The following HAAO variants were observed in gnomAD, a reference collection of about 807,000 sequenced individuals.
The protein encoded by HAAO is 3-hydroxyanthranilate 3,4-dioxygenase, also known as 3-hydroxyanthranilate oxygenase.
In HAAO, 49 loss-of-function variants were observed where a neutral mutation model predicts 46.2. That is an observed-to-expected ratio of 1.06 (90% CI 0.84 to 1.34). HAAO has a LOEUF of 1.34. Ranked by LOEUF, HAAO falls within the 40% of genes most tolerant of loss-of-function variation. The pLI is 0.00. For synonymous variants in HAAO, 157 were observed against 145.2 expected, an observed-to-expected ratio of 1.08 and a Z score of -0.58; for missense variants, 408 against 364.5, an observed-to-expected ratio of 1.12 and a Z score of -0.97.
At chr2:42,775,613 GT>G (rs935965396) in intron 4 of HAAO, among the ~76,000 whole-genome samples, 3 of 151,326 alleles carry the variant, frequency 2.0e-5, no homozygotes, top group African/African-American at 7.3e-5. Flanking sequence ...TTGAGCAAAA[GT>G]TTTTTTCTTC....
intron 1 of HAAO, among the ~76,000 whole-genome samples, chr2:42,791,865 C>T (rs1672823451): frequency 6.6e-6 from 1 of 151,744 alleles, no homozygotes; most frequent in South Asian, 2.1e-4. Flanking sequence ...ATGGCCAACC[C>T]TGTTGGGTGC....
At chr2:42,776,231 C>CTT (rs57398023) in intron 4 of HAAO, among the ~76,000 whole-genome samples, 2,754 of 71,030 alleles carry the variant, frequency 0.039, 169 homozygotes, top group African/African-American at 0.09. Flanking sequence ...TGGCATCCAT[C>CTT]TTTTTTTTTT....
At chr2:42,780,084 G>T (rs1268368998) in intron 4 of HAAO, among the ~76,000 whole-genome samples, 2 of 152,054 alleles carry the variant, frequency 1.3e-5, no homozygotes, top group Non-Finnish European at 2.9e-5. Context: ...AAATTTCCTT[G>T]CCAACTGCGT....
At position 42,767,376 on chromosome 2, in the gene HAAO, C is replaced by T; in HGVS notation, c.*61G>A. The T allele has an allele frequency of 8.5e-7, 1 of 1,169,640 alleles. No individual in the cohort carries two copies. Among genetic ancestry groups the T allele is most frequent in the Non-Finnish European group, 1.3e-6 (1 of 785,846 alleles). 72.5% of individuals were successfully genotyped at this position (1,169,640 alleles called of 1,614,324 possible). A position where few individuals can be genotyped will look rare whatever the true frequency, so the allele number is the denominator to read the frequency against. ...AGTGGGGGCTGGGAGAGTTGTTTGG[C>T]AGGGATGGCACTCGAGGGTGCTTGG... On this transcript the variant is annotated 3_prime_UTR_variant, in exon 10 of 10. Transcript: ENST00000294973.
Position 42,783,409 on chromosome 2 carries a change from C to T in HAAO, c.255G>A (p.Leu85=), listed in dbSNP as rs1283331789. The change falls in exon 4 of 10, where the codon CTG becomes CTA. Residue 85 remains leucine (L), a synonymous_variant. Transcript: ENST00000294973. ...GTGGTGAGTGGGGCACCCTGGCAGG[C>T]AGGAGGAATATCTGCAGTGGTAGAG... ...VVIRQGEIFL[L]PARVPHSPQR... is the part of the protein sequence containing the mutation. 2 of 1,607,022 alleles carry T rather than the reference C, an allele frequency of 1.2e-6. No homozygotes were observed. The highest frequency in any genetic ancestry group is 1.7e-6 in the Non-Finnish European group (2 of 1,174,234).
At position 42,792,542 on chromosome 2, in the gene HAAO, TC is replaced by T. The variant is rs570894993; in HGVS notation, c.-7del. ...ACTCCCAGGCGGCGCTCCATGACTG[TC>T]CCGGGCGCCTCCTCGCAGCGCTGTC... On this transcript the variant is annotated 5_prime_UTR_variant, in exon 1 of 10. Transcript: ENST00000294973. The T allele has an allele frequency of 1.9e-4, 295 of 1,554,724 alleles. 1 individual carries two copies. The African/African-American group carries it at 3.6e-3, about 19-fold the overall frequency.
chr2:42,790,688 C>A (rs985524616), intron 1 of HAAO, among the ~76,000 whole-genome samples: 9 of 152,148 alleles, frequency 5.9e-5, no homozygotes, highest in Middle Eastern at 6.8e-3. Context: ...CGTGCCACCA[C>A]GCCCAGGTAA....
At position 42,769,788 on chromosome 2, in the gene HAAO, G is replaced by C. The variant is rs577932993; in HGVS notation, c.555C>G (p.Ala185=). 13 of 1,614,002 alleles carry C rather than the reference G, an allele frequency of 8.1e-6. No homozygotes were observed. In the South Asian group the frequency reaches 1.3e-4, roughly 16 times the overall value. ...GCTCCCTGTGGTGGCTGTCCAGCCA[G>C]GCATCCAGGGACATGGGCTCCATGA... is the stretch of plus-strand genomic sequence containing the variant. ...RSIMEPMSLD[A]WLDSHHRELQ... The change falls in exon 7 of 10, where the codon GCC becomes GCG. Residue 185 remains alanine, a synonymous_variant. Transcript: ENST00000294973.
At chr2:42,783,250 G>A (rs1040039621) in intron 4 of HAAO, 64 bp downstream of exon 4, 12 of 980,342 alleles carry the variant, frequency 1.2e-5, no homozygotes, top group Non-Finnish European at 1.9e-5. Flanking sequence ...TTCAGCTGCA[G>A]TTTGGAGCTG....
intron 1 of HAAO, among the ~76,000 whole-genome samples, chr2:42,790,886 A>G (rs924086170): frequency 6.6e-6 from 1 of 152,138 alleles, no homozygotes; most frequent in Non-Finnish European, 1.5e-5. Context: ...GTACATACAG[A>G]CAATTCTTAA....
intron 4 of HAAO, among the ~76,000 whole-genome samples, chr2:42,782,406 T>A (rs981896910): frequency 3.9e-5 from 6 of 152,192 alleles, no homozygotes; most frequent in African/African-American, 1.4e-4. Context: ...GACATGAGAC[T>A]TCACAGCTTT....
In HAAO at chr2:42,767,575, A is replaced by G. The variant is rs1253172376; in HGVS notation, c.782+20T>C. On this transcript the variant is annotated intron_variant, in intron 9 of 9. Coordinates refer to ENST00000294973, the MANE Select transcript of HAAO (RefSeq NM_012205.3). ...GTTGGACCCTGAGGATCCCAGGGAAAGCCCTCCCTGCGTACTCACGAGGTC... is the reference window on the plus strand; with the variant it reads ...GTTGGACCCTGAGGATCCCAGGGAAGGCCCTCCCTGCGTACTCACGAGGTC... 3.2e-6 allele frequency: 5 copies of G among 1,583,108 alleles called. No homozygotes were observed. The highest frequency in any genetic ancestry group is 8.6e-7 in the Non-Finnish European group (1 of 1,162,814).
intron 4 of HAAO, among the ~76,000 whole-genome samples, chr2:42,777,408 G>A (rs1250699996): frequency 6.6e-6 from 1 of 151,654 alleles, no homozygotes; most frequent in Non-Finnish European, 1.5e-5. Flanking sequence ...ACTTCTATTA[G>A]CATGCCTAAG....
intron 6 of HAAO, 124 bp from the exon 7 acceptor site, chr2:42,769,982 T>A: frequency 8.3e-7 from 1 of 1,207,336 alleles, no homozygotes; most frequent in East Asian, 2.4e-5. Flanking sequence ...AGCTCAATGA[T>A]CAAGCAGCCA....
intron 7 of HAAO, 95 bp from the exon 8 acceptor site, chr2:42,768,023 A>G: frequency 1.8e-6 from 2 of 1,104,048 alleles, no homozygotes; most frequent in Non-Finnish European, 2.7e-6. Flanking sequence ...TGCTTGGAGC[A>G]GGGTTGGGGC....
Position 42,792,447 on chromosome 2 carries a change from C to G in HAAO, c.80+10G>C, listed in dbSNP as rs772107731. The G allele has an allele frequency of 6.4e-7, 1 of 1,553,528 alleles. No individual in the cohort carries two copies. The highest frequency in any genetic ancestry group is 1.2e-5 in the South Asian group (1 of 85,946). On this transcript the variant is annotated intron_variant, in intron 1 of 9. Coordinates refer to ENST00000294973, the MANE Select transcript of HAAO (RefSeq NM_012205.3). ...AGGGCAGGGGGCGGCCATGGGGGTG[C>G]TGGACTCACATGAGCTTGTTGCAGA... is the stretch of plus-strand genomic sequence containing the variant.
rs1022766478 is a variant in HAAO at position 42,790,277 on chromosome 2, G to T, written c.81-1670C>A. On this transcript the variant is annotated intron_variant, in intron 1 of 9. Coordinates refer to ENST00000294973, the MANE Select transcript of HAAO (RefSeq NM_012205.3). ...GATGTTTGGAAAGGTGGATGAGGTT[G>T]CAGGGCAGGAGAAGGCTGTCATGAA... 1.6e-4 allele frequency among the ~76,000 whole-genome samples: 25 copies of T among 152,168 alleles called. 2 individuals carry two copies. The highest frequency in any genetic ancestry group is 5.8e-4 in the African/African-American group (24 of 41,506).
intron 2 of HAAO, 73 bp downstream of exon 2, chr2:42,788,456 G>A (rs1028970342): frequency 2.1e-6 from 2 of 942,778 alleles, no homozygotes; most frequent in Admixed American, 3.4e-5. Context: ...GCCTCGAGTG[G>A]GAAGCGCCCC....
chr2:42,782,169 G>T (rs2104660480), intron 4 of HAAO, among the ~76,000 whole-genome samples: 1 of 151,968 alleles, frequency 6.6e-6, no homozygotes. Flanking sequence ...TCCTAACTTG[G>T]AGTCACTGAA....
Sources: gnomAD v4.1 joint callset for allele counts (sites outside exome capture counted in the v4.1 genomes callset) on GRCh38, gnomAD v4.1.1 for gene constraint, MANE v1.5 for transcripts, NCBI Gene and HGNC (gene_info 2026-07-23, HGNC 2026-07-21) for gene names.